DACH1: variants seen among roughly 807,000 people sequenced by gnomAD.
DACH1 encodes dachshund homolog 1.
In DACH1, 12 loss-of-function variants were observed where a neutral mutation model predicts 54.2. The ratio of observed to expected loss-of-function variants is 0.22; its 90% CI spans 0.14 to 0.36. The LOEUF (loss-of-function observed/expected upper bound fraction) is 0.36. Ranked by LOEUF, DACH1 falls within the 10% of genes least tolerant of loss-of-function variation. The pLI is 1.00. For missense variants in DACH1, 805 were observed against 929.8 expected (o/e 0.87, Z 1.75); for synonymous variants, 386 against 366.2 (o/e 1.05, Z -0.62).
intron 6 of DACH1, among the ~76,000 whole-genome samples, chr13:71,554,444 A>G (rs1346121213): frequency 6.6e-6 from 1 of 152,186 alleles, no homozygotes; most frequent in Non-Finnish European, 1.5e-5. Context: ...TTGTTCTTAC[A>G]GCAAAACAAT....
chr13:71,801,847 A>C (rs1887301814), intron 1 of DACH1, among the ~76,000 whole-genome samples: 1 of 151,924 alleles, frequency 6.6e-6, no homozygotes, highest in Non-Finnish European at 1.5e-5. Flanking sequence ...AGTACTGAAA[A>C]AAGAAAAAAA....
intron 2 of DACH1, among the ~76,000 whole-genome samples, chr13:71,643,949 G>A (rs1020788904): frequency 3.9e-5 from 6 of 151,998 alleles, no homozygotes; most frequent in Non-Finnish European, 5.9e-5. Flanking sequence ...TTTTCTAAAA[G>A]CAGAGGTCAG....
chr13:71,858,868 ACT>A (rs1220863136), intron 1 of DACH1, among the ~76,000 whole-genome samples: 2 of 143,336 alleles, frequency 1.4e-5, no homozygotes, highest in East Asian at 2.0e-4. Flanking sequence ...TCAGTTAAGC[ACT>A]CTCTCTCTCT....
At chr13:71,833,183 A>G (rs921708382) in intron 1 of DACH1, among the ~76,000 whole-genome samples, 4 of 151,848 alleles carry the variant, frequency 2.6e-5, no homozygotes, top group Non-Finnish European at 4.4e-5. Flanking sequence ...CTGGGCTAGG[A>G]GTATTAGGGA....
rs975678486 is a variant in DACH1, at chr13:71,489,844, A to G, written c.1571-696T>C. ...AGAGTAATAAAATGCTACTTCTATA[A>G]CAACATTCAGGGAATCAAATTTAAA... On this transcript the variant is annotated intron_variant, in intron 6 of 10. Transcript: ENST00000613252. 2.0e-5 allele frequency among the ~76,000 whole-genome samples: 3 copies of G among 152,260 alleles called. No homozygotes were observed. The South Asian group carries it at 6.2e-4, about 32-fold the overall frequency.
At chr13:71,694,451 C>T (rs977392829) in intron 1 of DACH1, among the ~76,000 whole-genome samples, 37 of 39,908 alleles carry the variant, frequency 9.3e-4, no homozygotes, top group African/African-American at 5.7e-3. Flanking sequence ...CATTACCTGA[C>T]ATAGATGATA....
intron 6 of DACH1, among the ~76,000 whole-genome samples, chr13:71,509,207 G>A (rs1880569621): frequency 6.6e-6 from 1 of 152,038 alleles, no homozygotes; most frequent in Admixed American, 6.6e-5. Flanking sequence ...CTTTCAGCAT[G>A]ATTTTGAAAG....
chr13:71,625,466 TTAAAGAAAGA>T, intron 3 of DACH1, among the ~76,000 whole-genome samples: 1 of 152,038 alleles, frequency 6.6e-6, no homozygotes, highest in African/African-American at 2.4e-5. Flanking sequence ...ATGGTTAAAA[TTAAAGAAAGA>T]TAAGAGTAGG....
intron 1 of DACH1, among the ~76,000 whole-genome samples, chr13:71,748,627 C>G (rs1371920347): frequency 6.6e-6 from 1 of 152,112 alleles, no homozygotes. Context: ...ATCCTCATTC[C>G]CAGGGCCTTG....
chr13:71,826,419 T>C (rs142837202), intron 1 of DACH1, among the ~76,000 whole-genome samples: 18 of 152,208 alleles, frequency 1.2e-4, no homozygotes, highest in East Asian at 3.9e-4. Flanking sequence ...CCATTTCTTA[T>C]GAGCAAGGCT....
At chr13:71,508,332 C>T (rs1880493937) in intron 6 of DACH1, among the ~76,000 whole-genome samples, 1 of 152,062 alleles carries the variant, frequency 6.6e-6, no homozygotes, top group Admixed American at 6.6e-5. Flanking sequence ...GCTTCTGTTC[C>T]CTCTCATGAT....
chr13:71,748,912 CTT>C (rs57795599), intron 1 of DACH1, among the ~76,000 whole-genome samples: 28 of 34,972 alleles, frequency 8.0e-4, no homozygotes, highest in African/African-American at 1.7e-3. Context: ...TTCTTTCTTT[CTT>C]TCTTTCTTTC....
chr13:71,748,898 CTCTT>C (rs796904876), intron 1 of DACH1, among the ~76,000 whole-genome samples: 969 of 39,406 alleles, frequency 0.025, 18 homozygotes, highest in African/African-American at 0.049. Context: ...TTCTTTCTTT[CTCTT>C]TCTTTCTTTC....
At chr13:71,574,130 T>C (rs1885393227) in intron 3 of DACH1, among the ~76,000 whole-genome samples, 1 of 152,152 alleles carries the variant, frequency 6.6e-6, no homozygotes, top group African/African-American at 2.4e-5. Flanking sequence ...TCACTTGTTT[T>C]CAAATAAAGA....
At chr13:71,836,430 G>A (rs1888787578) in intron 1 of DACH1, among the ~76,000 whole-genome samples, 1 of 151,884 alleles carries the variant, frequency 6.6e-6, no homozygotes. Flanking sequence ...TAAAAAACGT[G>A]CCTACAATCC....
chr13:71,864,216 A>ACACACACACACACACACACACACACAC (rs1874561322), intron 1 of DACH1, among the ~76,000 whole-genome samples: 6 of 117,748 alleles, frequency 5.1e-5, no homozygotes, highest in African/African-American at 2.3e-4. Flanking sequence ...CACACACACA[A>ACACACACACACACACACACACACACAC]CATTTACCCC....
chr13:71,573,929 A>G (rs765473641), intron 3 of DACH1, among the ~76,000 whole-genome samples: 21 of 152,328 alleles, frequency 1.4e-4, no homozygotes, highest in Non-Finnish European at 2.8e-4. Flanking sequence ...ATGCAAAGTT[A>G]TTCTTGCATG....
chr13:71,665,588 T>G (rs1163745101), intron 2 of DACH1, among the ~76,000 whole-genome samples: 1 of 152,156 alleles, frequency 6.6e-6, no homozygotes, highest in Admixed American at 6.5e-5. Context: ...AACTTACATG[T>G]CCAATACATG....
chr13:71,651,498 T>C (rs1010567060), intron 2 of DACH1, among the ~76,000 whole-genome samples: 1 of 152,080 alleles, frequency 6.6e-6, no homozygotes, highest in African/African-American at 2.4e-5. Context: ...CTGTCTTTAC[T>C]AAAAACACAA....
Sources: gnomAD v4.1 joint callset for allele counts (sites outside exome capture counted in the v4.1 genomes callset) on GRCh38, gnomAD v4.1.1 for gene constraint, MANE v1.5 for transcripts, NCBI Gene and HGNC (gene_info 2026-07-23, HGNC 2026-07-21) for gene names.